Variants in SPATA16 observed in about 807,000 individuals in gnomAD.
The protein encoded by SPATA16 is spermatogenesis-associated protein 16.
SPATA16 carries 36 observed loss-of-function variants against 63.3 expected under a neutral mutation model. That is an observed-to-expected ratio of 0.57 (90% CI 0.44 to 0.75). SPATA16 has a LOEUF of 0.75. Ranked by LOEUF, SPATA16 falls within the 30% of genes least tolerant of loss-of-function variation. The pLI, the probability that SPATA16 is intolerant of heterozygous loss-of-function variation, is 0.00. For synonymous variants in SPATA16, 203 were observed against 216.7 expected (o/e 0.94, Z 0.56); for missense variants, 646 against 679.3 (o/e 0.95, Z 0.54).
At chr3:173,068,625 A>C (rs1736583815) in intron 2 of SPATA16, among the ~76,000 whole-genome samples, 1 of 152,154 alleles carries the variant, frequency 6.6e-6, no homozygotes, top group Admixed American at 6.5e-5. Flanking sequence ...GAAAATTGAA[A>C]AATTTCTTGA....
chr3:173,024,253 C>T (rs1409237955), intron 3 of SPATA16, among the ~76,000 whole-genome samples: 2 of 151,438 alleles, frequency 1.3e-5, no homozygotes, highest in African/African-American at 4.8e-5. Context: ...TGTTTGGTTA[C>T]TACTTTTCAG....
chr3:172,937,108 C>G (rs1274021184), intron 6 of SPATA16, among the ~76,000 whole-genome samples: 1 of 151,976 alleles, frequency 6.6e-6, no homozygotes, highest in African/African-American at 2.4e-5. Flanking sequence ...TGTCAGAAAG[C>G]TAGAGAAATA....
At chr3:172,902,922 T>A (rs151053819) in intron 10 of SPATA16, among the ~76,000 whole-genome samples, 177 of 152,334 alleles carry the variant, frequency 1.2e-3, no homozygotes, top group African/African-American at 4.0e-3. Context: ...GAGCTGCATG[T>A]AAAGGCACTT....
At chr3:173,134,637 G>A (rs1738490227) in intron 1 of SPATA16, among the ~76,000 whole-genome samples, 1 of 152,148 alleles carries the variant, frequency 6.6e-6, no homozygotes, top group Admixed American at 6.5e-5. Flanking sequence ...CTGGTGCCAT[G>A]TTTCCTGGAC....
At chr3:173,057,315 G>A (rs556169577) in intron 2 of SPATA16, among the ~76,000 whole-genome samples, 34 of 151,974 alleles carry the variant, frequency 2.2e-4, no homozygotes, top group African/African-American at 6.5e-4. Flanking sequence ...GGGTTTCACC[G>A]TGTTAGCCAG....
chr3:173,024,817 GAA>G (rs1735415907), intron 3 of SPATA16, among the ~76,000 whole-genome samples: 1 of 150,376 alleles, frequency 6.6e-6, no homozygotes, highest in Non-Finnish European at 1.5e-5. Context: ...TGTCCTCTCT[GAA>G]ATTTATTTTT....
intron 10 of SPATA16, among the ~76,000 whole-genome samples, chr3:172,897,441 C>G (rs1052235874): frequency 6.6e-6 from 1 of 152,058 alleles, no homozygotes; most frequent in African/African-American, 2.4e-5. Context: ...GTATATCTCT[C>G]CATTTATTTA....
chr3:173,013,208 A>G (rs762162902), intron 4 of SPATA16, among the ~76,000 whole-genome samples: 1 of 152,236 alleles, frequency 6.6e-6, no homozygotes, highest in Non-Finnish European at 1.5e-5. Flanking sequence ...AATCAAAACC[A>G]CAATGAGATG....
At chr3:173,103,107 G>A (rs780378324) in intron 2 of SPATA16, among the ~76,000 whole-genome samples, 30 of 152,214 alleles carry the variant, frequency 2.0e-4, no homozygotes, top group Non-Finnish European at 4.1e-4. Flanking sequence ...ATAAGGGGTG[G>A]GCTCCCAGGG....
intron 10 of SPATA16, among the ~76,000 whole-genome samples, chr3:172,902,334 G>A (rs1225206825): frequency 1.3e-5 from 2 of 152,132 alleles, no homozygotes; most frequent in Non-Finnish European, 2.9e-5. Context: ...GAGCCACCAC[G>A]CCCAGCCATG....
chr3:172,925,252 T>C (rs1732701076), intron 7 of SPATA16, 94 bp downstream of exon 7: 1 of 1,365,068 alleles, frequency 7.3e-7, no homozygotes. Flanking sequence ...ACAAAGAAGA[T>C]TAGAAGGAGT....
intron 4 of SPATA16, among the ~76,000 whole-genome samples, chr3:173,011,306 A>G (rs1308266831): frequency 1.3e-5 from 2 of 152,224 alleles, no homozygotes; most frequent in Non-Finnish European, 2.9e-5. Context: ...TTAAACACAA[A>G]AACCATATTA....
intron 2 of SPATA16, among the ~76,000 whole-genome samples, chr3:173,084,659 A>G (rs140732190): frequency 6.6e-6 from 1 of 152,116 alleles, no homozygotes. Flanking sequence ...TGGGTTTCAC[A>G]TTTAAGTCTT....
intron 3 of SPATA16, among the ~76,000 whole-genome samples, chr3:173,030,090 CTATCT>C (rs1202369086): frequency 1.2e-4 from 18 of 151,606 alleles, no homozygotes; most frequent in Non-Finnish European, 2.4e-4. Flanking sequence ...ATCTATCTAT[CTATCT>C]ATCTATCTAC....
intron 4 of SPATA16, among the ~76,000 whole-genome samples, chr3:172,991,129 T>G (rs1486853443): frequency 1.3e-5 from 2 of 151,918 alleles, no homozygotes; most frequent in East Asian, 3.9e-4. Context: ...TGTCCTAGGG[T>G]AATTAGGCCC....
intron 3 of SPATA16, among the ~76,000 whole-genome samples, chr3:173,032,349 T>C (rs1735624990): frequency 6.6e-6 from 1 of 152,142 alleles, no homozygotes; most frequent in African/African-American, 2.4e-5. Context: ...CTGAAAAATA[T>C]ATAGTCAGAA....
intron 10 of SPATA16, among the ~76,000 whole-genome samples, chr3:172,896,394 G>A (rs147347498): frequency 0.032 from 4,905 of 152,064 alleles, 252 homozygotes; most frequent in African/African-American, 0.11. Context: ...CTAATTTTCT[G>A]TATTTTTTAG....
At chr3:172,950,515 T>C (rs527419335) in intron 6 of SPATA16, among the ~76,000 whole-genome samples, 2 of 152,298 alleles carry the variant, frequency 1.3e-5, no homozygotes, top group South Asian at 4.1e-4. Flanking sequence ...ATTCTATAAC[T>C]TTTTCTATTC....
intron 5 of SPATA16, among the ~76,000 whole-genome samples, chr3:172,976,240 A>T (rs1292581731): frequency 6.6e-6 from 1 of 152,140 alleles, no homozygotes; most frequent in Non-Finnish European, 1.5e-5. Flanking sequence ...TTCAATTTAA[A>T]TGAGGAAAAC....
Sources: allele counts gnomAD v4.1 joint callset (sites outside exome capture counted in the v4.1 genomes callset), GRCh38; gene constraint gnomAD v4.1.1; transcripts MANE v1.5; gene names NCBI Gene and HGNC (gene_info 2026-07-23, HGNC 2026-07-21).